The following PPP1R16B variants were observed in gnomAD, a reference collection of about 807,000 sequenced individuals.
PPP1R16B encodes protein phosphatase 1 regulatory inhibitor subunit 16B.
Under a neutral mutation model 61.7 loss-of-function variants are expected in PPP1R16B, and 14 were observed. That is an observed-to-expected ratio of 0.23 (90% CI 0.15 to 0.35). The LOEUF (loss-of-function observed/expected upper bound fraction) is 0.35, where lower values mean the gene tolerates loss of function less well. Among genes scored for constraint, PPP1R16B ranks in the 10% least tolerant of loss-of-function variants. PPP1R16B has a pLI of 1.00. For missense variants in PPP1R16B, 547 were observed against 752.5 expected (o/e 0.73, Z 3.19); for synonymous variants, 266 against 305.3 (o/e 0.87, Z 1.34).
chr20:38,879,204 A>G (rs1215185716), intron 2 of PPP1R16B, among the ~76,000 whole-genome samples: 2 of 152,252 alleles, frequency 1.3e-5, no homozygotes, highest in South Asian at 2.1e-4. Context: ...TTTCTGGATA[A>G]GGGGGACCCT....
intron 1 of PPP1R16B, among the ~76,000 whole-genome samples, chr20:38,826,138 G>A (rs1482730739): frequency 2.0e-5 from 3 of 152,110 alleles, no homozygotes; most frequent in African/African-American, 7.2e-5. Context: ...GAGTGTGTTC[G>A]GTAGCCACAG....
intron 2 of PPP1R16B, among the ~76,000 whole-genome samples, chr20:38,882,089 T>G (rs1435753793): frequency 6.6e-6 from 1 of 152,190 alleles, no homozygotes; most frequent in East Asian, 1.9e-4. Flanking sequence ...CGTAACTGGA[T>G]TATGAGGACT....
intron 4 of PPP1R16B, 54 bp downstream of exon 4, chr20:38,895,764 C>A: frequency 7.1e-7 from 1 of 1,415,544 alleles, no homozygotes; most frequent in East Asian, 2.7e-5. Flanking sequence ...TGTCTTTTTC[C>A]AACTTCCTTC....
At chr20:38,810,761 T>C (rs150878104) in intron 1 of PPP1R16B, among the ~76,000 whole-genome samples, 2 of 152,176 alleles carry the variant, frequency 1.3e-5, no homozygotes, top group South Asian at 2.1e-4. Context: ...ATGAATGCAC[T>C]TATCCCCCAC....
chr20:38,875,858 C>T (rs1311648217), intron 2 of PPP1R16B, among the ~76,000 whole-genome samples: 3 of 151,966 alleles, frequency 2.0e-5, no homozygotes, highest in Admixed American at 6.6e-5. Context: ...CTGTCTGTTC[C>T]CTTCCTGGCC....
intron 2 of PPP1R16B, among the ~76,000 whole-genome samples, chr20:38,888,876 A>AACACACACACACACAC (rs1181903301): frequency 8.0e-5 from 9 of 112,238 alleles, no homozygotes; most frequent in South Asian, 3.5e-4. Flanking sequence ...AGAATCCCTG[A>AACACACACACACACAC]ACACACACAC....
At chr20:38,897,811 T>A (rs901195364) in intron 4 of PPP1R16B, among the ~76,000 whole-genome samples, 1 of 152,250 alleles carries the variant, frequency 6.6e-6, no homozygotes, top group Admixed American at 6.5e-5. Context: ...TGTGAGGTGG[T>A]CTCTCACTGT....
intron 2 of PPP1R16B, among the ~76,000 whole-genome samples, chr20:38,865,647 T>C (rs911939777): frequency 6.6e-6 from 1 of 152,136 alleles, no homozygotes; most frequent in African/African-American, 2.4e-5. Context: ...CCTGCACAGG[T>C]GGGCTCCACT....
intron 1 of PPP1R16B, among the ~76,000 whole-genome samples, chr20:38,814,328 T>A (rs1245961597): frequency 6.6e-6 from 1 of 152,180 alleles, no homozygotes; most frequent in African/African-American, 2.4e-5. Context: ...GTACCTTTTT[T>A]CTTGTCCTTC....
intron 1 of PPP1R16B, among the ~76,000 whole-genome samples, chr20:38,823,208 T>C (rs1306959007): frequency 6.6e-6 from 1 of 152,198 alleles, no homozygotes; most frequent in Non-Finnish European, 1.5e-5. Flanking sequence ...GCCTATGGGA[T>C]GGAAACTTCA....
At chr20:38,866,170 G>A (rs1045379909) in intron 2 of PPP1R16B, among the ~76,000 whole-genome samples, 4 of 152,046 alleles carry the variant, frequency 2.6e-5, no homozygotes, top group South Asian at 2.1e-4. Context: ...ATAAAAATTC[G>A]AGAGGTTTGA....
At chr20:38,810,576 T>C (rs2084694321) in intron 1 of PPP1R16B, among the ~76,000 whole-genome samples, 1 of 152,202 alleles carries the variant, frequency 6.6e-6, no homozygotes, top group Admixed American at 6.5e-5. Context: ...TGCACTTGTT[T>C]CTCTCTTCCT....
intron 2 of PPP1R16B, among the ~76,000 whole-genome samples, chr20:38,864,438 T>C (rs80077962): frequency 0.017 from 2,602 of 152,284 alleles, 82 homozygotes; most frequent in African/African-American, 0.06. Flanking sequence ...TTAAATTGCT[T>C]CCTAAATATT....
intron 2 of PPP1R16B, among the ~76,000 whole-genome samples, chr20:38,886,351 A>C (rs2085244720): frequency 6.6e-6 from 1 of 152,180 alleles, no homozygotes. Context: ...CACCGCATGG[A>C]GAACACCCCA....
chr20:38,886,792 G>A (rs1389636398), intron 2 of PPP1R16B, among the ~76,000 whole-genome samples: 1 of 152,236 alleles, frequency 6.6e-6, no homozygotes, highest in African/African-American at 2.4e-5. Flanking sequence ...CTAGAGGGCT[G>A]CCAATTGGGT....
At chr20:38,874,342 A>G (rs1385876727) in intron 2 of PPP1R16B, among the ~76,000 whole-genome samples, 2 of 152,180 alleles carry the variant, frequency 1.3e-5, no homozygotes, top group South Asian at 2.1e-4. Context: ...AGAGCCAGCT[A>G]GTAGCTAAAC....
rs58456397 is a variant in PPP1R16B at position 38,912,503 on chromosome 20, C to CAA, written c.1194+4329_1194+4330dup. On this transcript the variant is annotated intron_variant, in intron 10 of 10. Transcript: ENST00000299824. ...GCAAGACCGTATCTCTACCCCCCACCAAAAAAAAAAAAAAAAAAAACAATT... is the reference window on the plus strand; with the variant it reads ...GCAAGACCGTATCTCTACCCCCCACCAAAAAAAAAAAAAAAAAAAAAACAATT... Among the ~76,000 whole-genome samples, 458 of 80,978 alleles carry CAA rather than the reference C, an allele frequency of 5.7e-3. 6 individuals carry two copies. Among genetic ancestry groups the CAA allele is most frequent in the African/African-American group, 0.014 (302 of 22,268 alleles). The allele number at this position is 80,978 out of a possible 152,430, so 53.1% of individuals were successfully genotyped here.
At chr20:38,809,927 G>A (rs1039352803) in intron 1 of PPP1R16B, among the ~76,000 whole-genome samples, 1 of 134,398 alleles carries the variant, frequency 7.4e-6, no homozygotes, top group African/African-American at 2.8e-5. Flanking sequence ...GCTCCTGTGA[G>A]CCATGATTGC....
intron 1 of PPP1R16B, among the ~76,000 whole-genome samples, chr20:38,824,671 G>A (rs1000613259): frequency 4.6e-5 from 7 of 152,168 alleles, no homozygotes; most frequent in East Asian, 1.9e-4. Flanking sequence ...GCTTTTAATC[G>A]TCCTTGTTTC....
Sources: allele counts gnomAD v4.1 joint callset (sites outside exome capture counted in the v4.1 genomes callset), GRCh38; gene constraint gnomAD v4.1.1; transcripts MANE v1.5; gene names NCBI Gene and HGNC (gene_info 2026-07-23, HGNC 2026-07-21).